ERMP1: variants seen among roughly 807,000 people sequenced by gnomAD.
ERMP1 encodes the protein Felix-ina.
ERMP1 carries 86 observed loss-of-function variants against 92.0 expected under a neutral mutation model. That is an observed-to-expected ratio of 0.93 (90% confidence interval 0.79 to 1.12). ERMP1 has a LOEUF of 1.12. Ranked by LOEUF, ERMP1 falls within the 50% of genes most tolerant of loss-of-function variation. ERMP1 has a pLI of 0.00. For missense variants in ERMP1, 1,342 were observed against 1,116.3 expected, an observed-to-expected ratio of 1.20 and a Z score of -2.88; for synonymous variants, 530 against 412.8, an observed-to-expected ratio of 1.28 and a Z score of -3.44.
At chr9:5,859,448 T>C (rs1830431578) in intron 6 of ERMP1, among the ~76,000 whole-genome samples, 1 of 152,196 alleles carries the variant, frequency 6.6e-6, no homozygotes, top group Non-Finnish European at 1.5e-5. Flanking sequence ...ATAACTAATC[T>C]GAAAATCATG....
At chr9:5,817,871 GAACTAATA>G (rs775291457) in intron 4 of ERMP1, among the ~76,000 whole-genome samples, 40 of 152,030 alleles carry the variant, frequency 2.6e-4, no homozygotes, top group Non-Finnish European at 4.7e-4. Context: ...AAAAAAGGAG[GAACTAATA>G]AAAGAGACTA....
At chr9:5,845,673 A>G (rs978276149) in intron 6 of ERMP1, among the ~76,000 whole-genome samples, 1 of 152,136 alleles carries the variant, frequency 6.6e-6, no homozygotes, top group Non-Finnish European at 1.5e-5. Flanking sequence ...AAACCACTCA[A>G]ATTGGTTCTC....
chr9:5,840,710 C>A (rs1830153104), intron 6 of ERMP1, among the ~76,000 whole-genome samples: 2 of 152,306 alleles, frequency 1.3e-5, no homozygotes, highest in African/African-American at 4.8e-5. Flanking sequence ...TTTGTTATGC[C>A]CGTTTCTTCA....
chr9:5,822,062 T>A (rs1397225800), intron 4 of ERMP1, among the ~76,000 whole-genome samples: 1 of 152,030 alleles, frequency 6.6e-6, no homozygotes, highest in Non-Finnish European at 1.5e-5. Context: ...GAGACCAGCC[T>A]GGGCAACATG....
chr9:5,830,193 T>A (rs942724004), intron 2 of ERMP1, among the ~76,000 whole-genome samples: 5 of 151,800 alleles, frequency 3.3e-5, no homozygotes, highest in African/African-American at 4.8e-5. Flanking sequence ...AAACATGAGT[T>A]TTTTTTTTTA....
chr9:5,834,776 T>A (rs918653428), upstream of ERMP1, among the ~76,000 whole-genome samples: 1 of 137,526 alleles, frequency 7.3e-6, no homozygotes, highest in Admixed American at 7.8e-5. Context: ...GGTACCATAA[T>A]AGGGAAATGC....
intron 10 of ERMP1, among the ~76,000 whole-genome samples, chr9:5,804,156 T>C (rs746395060): frequency 1.1e-4 from 16 of 152,152 alleles, no homozygotes; most frequent in Non-Finnish European, 1.9e-4. Context: ...ATAGCTCCTT[T>C]TCCTGTTTGG....
chr9:5,837,067 A>G (rs528994682), upstream of ERMP1, among the ~76,000 whole-genome samples: 1 of 152,340 alleles, frequency 6.6e-6, no homozygotes, highest in African/African-American at 2.4e-5. Flanking sequence ...TCCATGGCCT[A>G]GTAGAAAAGA....
chr9:5,832,732 C>T lies in ERMP1; in HGVS notation c.296G>A (p.Gly99Glu), dbSNP rs1296935295. 6.7e-7 allele frequency: 1 copy of T among 1,495,388 alleles called. No individual in the cohort carries two copies. The highest frequency in any genetic ancestry group is 1.3e-5 in the South Asian group (1 of 79,674). 92.6% of individuals were successfully genotyped at this position (1,495,388 alleles called of 1,614,324 possible). A position where few individuals can be genotyped will look rare whatever the true frequency, so the allele number is the denominator to read the frequency against. ...GAACTCCCCGCGGTGTCCAGCGGCC[C>T]CGCGTAGCACGAGCTGCTGCAGCGA... The part of the protein sequence containing the change: ...QLSLQQLVLR[G>E]AAGHRGEFDA... The change falls in exon 1 of 15, where the codon GGG becomes GAG. Residue 99 changes from glycine (G) to glutamate (E), a missense_variant. By Grantham distance (98) the Gly-to-Glu change is moderately conservative (BLOSUM62 -2). Transcript: ENST00000339450.
intron 4 of ERMP1, among the ~76,000 whole-genome samples, chr9:5,816,088 A>T (rs1373436954): frequency 6.6e-6 from 1 of 151,872 alleles, no homozygotes; most frequent in Non-Finnish European, 1.5e-5. Context: ...AAGAGAGGTT[A>T]AAAAAAATGC....
Position 5,790,012 on chromosome 9 carries a change from C to A in ERMP1, c.2387-2419G>T, listed in dbSNP as rs998170288. Among the ~76,000 whole-genome samples, 7 of 151,788 alleles carry A rather than the reference C, an allele frequency of 4.6e-5. No individual in the cohort carries two copies. The South Asian group carries it at 8.3e-4, about 18-fold the overall frequency. Reference sequence around the variant, plus strand: ...TATTATACTGAGGATTTTAATATATCCAAATGTATTACAAAAACACTAAGG... The same window carrying A: ...TATTATACTGAGGATTTTAATATATACAAATGTATTACAAAAACACTAAGG... On this transcript the variant is annotated intron_variant, in intron 13 of 14. Coordinates refer to ENST00000339450, the MANE Select transcript of ERMP1 (RefSeq NM_024896.3).
At position 5,827,452 on chromosome 9, in the gene ERMP1, T is replaced by C. The variant is rs191880458; in HGVS notation, c.641-2233A>G. Among the ~76,000 whole-genome samples the C allele has an allele frequency of 1.0e-3, 159 of 152,346 alleles. 3 individuals carry two copies. Among genetic ancestry groups the C allele is most frequent in the Admixed American group, 8.0e-3 (122 of 15,310 alleles). ...ATTCAAAGCTACCCAGGACTGCAGGTTGGACAAGCTTAATCTATTTGATGA... is the reference window on the plus strand; with the variant it reads ...ATTCAAAGCTACCCAGGACTGCAGGCTGGACAAGCTTAATCTATTTGATGA... On this transcript the variant is annotated intron_variant, in intron 2 of 14. Coordinates refer to ENST00000339450, the MANE Select transcript of ERMP1 (RefSeq NM_024896.3).
chr9:5,848,937 T>C (rs1830272377), intron 6 of ERMP1, among the ~76,000 whole-genome samples: 1 of 152,234 alleles, frequency 6.6e-6, no homozygotes, highest in Non-Finnish European at 1.5e-5. Flanking sequence ...ATGGGGGTTC[T>C]GACCTAGCTG....
intron 6 of ERMP1, among the ~76,000 whole-genome samples, chr9:5,841,346 C>A (rs1252637291): frequency 2.6e-5 from 4 of 152,206 alleles, no homozygotes. Context: ...AGACACCAGA[C>A]ACAGCAGGTC....
rs200294638 is a variant in ERMP1, at chr9:5,811,195, G to C, written c.1243C>G (p.Arg415Gly). ...LGLFVIAYPS[R>G]IGSIINYMVV... is the part of the protein sequence containing the mutation. ...ATGTAGTTTATGATTGAGCCAATAC[G>C]AGAGGGGTAGGCAATGACAAACAGG... Residue 415 changes from arginine (R) to glycine (G), a missense_variant, in exon 7 of 15, where the codon CGT becomes GGT. Arg to Gly is a moderately radical substitution (Grantham distance 125). Coordinates refer to ENST00000339450, the MANE Select transcript of ERMP1 (RefSeq NM_024896.3). 1 of 1,613,860 alleles carries C rather than the reference G, an allele frequency of 6.2e-7. No individual in the cohort carries two copies. Among genetic ancestry groups the C allele is most frequent in the Non-Finnish European group, 8.5e-7 (1 of 1,179,970 alleles).
At chr9:5,844,976 T>C (rs775310176) in intron 6 of ERMP1, among the ~76,000 whole-genome samples, 10 of 152,110 alleles carry the variant, frequency 6.6e-5, no homozygotes, top group Non-Finnish European at 1.5e-4. Flanking sequence ...GCCCCTCTGG[T>C]AGTTTAGCTT....
intron 10 of ERMP1, among the ~76,000 whole-genome samples, chr9:5,804,033 G>A (rs1237536663): frequency 6.6e-6 from 1 of 152,078 alleles, no homozygotes; most frequent in African/African-American, 2.4e-5. Context: ...TTCCTTACCT[G>A]CTGTCTTTAG....
chr9:5,804,900 T>C, intron 10 of ERMP1, 127 bp downstream of exon 10: 1 of 697,444 alleles, frequency 1.4e-6, no homozygotes, highest in Non-Finnish European at 2.4e-6. Flanking sequence ...GGCCATTCAT[T>C]CACCATTTCT....
At chr9:5,817,090 G>A (rs1437456623) in intron 4 of ERMP1, among the ~76,000 whole-genome samples, 1 of 151,666 alleles carries the variant, frequency 6.6e-6, no homozygotes, top group South Asian at 2.1e-4. Context: ...AGTAGAGATG[G>A]GGTTTCACCA....
Sources: gnomAD v4.1 joint callset for allele counts (sites outside exome capture counted in the v4.1 genomes callset) on GRCh38, gnomAD v4.1.1 for gene constraint, MANE v1.5 for transcripts, NCBI Gene and HGNC (gene_info 2026-07-23, HGNC 2026-07-21) for gene names.